Variants in RBFOX1 observed in about 807,000 individuals in gnomAD.
RBFOX1 encodes RNA binding fox-1 homolog 1.
Under a neutral mutation model 57.7 loss-of-function variants are expected in RBFOX1, and 8 were observed. That is an observed-to-expected ratio of 0.14 (90% CI 0.08 to 0.25). RBFOX1 has a LOEUF of 0.25. Ranked by LOEUF, RBFOX1 falls within the 10% of genes least tolerant of loss-of-function variation. The probability of loss-of-function intolerance (pLI) is 1.00; values close to 1 mark genes in which losing one functional copy is unlikely to be tolerated. For missense variants in RBFOX1, 611 were observed against 548.5 expected, an observed-to-expected ratio of 1.11 and a Z score of -1.14; for synonymous variants, 326 against 222.4, an observed-to-expected ratio of 1.47 and a Z score of -4.15.
chr16:6,666,741 G>A (rs1282735658), intron 3 of RBFOX1, among the ~76,000 whole-genome samples: 2 of 152,056 alleles, frequency 1.3e-5, no homozygotes, highest in Non-Finnish European at 1.5e-5. Flanking sequence ...GGTAAACGGT[G>A]ACTTACGAGA....
At chr16:6,848,576 A>G (rs1232986009) in intron 3 of RBFOX1, among the ~76,000 whole-genome samples, 1 of 152,106 alleles carries the variant, frequency 6.6e-6, no homozygotes, top group Non-Finnish European at 1.5e-5. Context: ...AAAAAAGGTG[A>G]TAGAACCAAA....
chr16:6,130,999 C>G (rs574944125), intron 1 of RBFOX1, among the ~76,000 whole-genome samples: 1 of 152,262 alleles, frequency 6.6e-6, no homozygotes, highest in East Asian at 1.9e-4. Context: ...GATGTATGCA[C>G]TGATGTGGAT....
At chr16:6,461,227 C>T (rs1192143134) in intron 2 of RBFOX1, among the ~76,000 whole-genome samples, 4 of 152,018 alleles carry the variant, frequency 2.6e-5, no homozygotes, top group Non-Finnish European at 5.9e-5. Flanking sequence ...GTAGTGCACC[C>T]ACACATCCTG....
intron 3 of RBFOX1, among the ~76,000 whole-genome samples, chr16:6,806,836 AT>A (rs1555488600): frequency 0.036 from 3,256 of 91,710 alleles, 75 homozygotes; most frequent in Middle Eastern, 0.071. Flanking sequence ...ATATATATAT[AT>A]TTTTTTTTTT....
intron 4 of RBFOX1, among the ~76,000 whole-genome samples, chr16:7,269,622 T>A (rs1408405942): frequency 6.6e-6 from 1 of 152,232 alleles, no homozygotes; most frequent in Non-Finnish European, 1.5e-5. Context: ...GATTCCATAA[T>A]GTTCTGTTGT....
At chr16:6,061,029 G>C (rs1200369579) in intron 1 of RBFOX1, among the ~76,000 whole-genome samples, 1 of 152,266 alleles carries the variant, frequency 6.6e-6, no homozygotes, top group East Asian at 1.9e-4. Context: ...GGTTGGTCCA[G>C]CCCTGCCCAC....
In RBFOX1 at chr16:5,843,625, C is replaced by G. The variant is rs75157283; in HGVS notation, c.319-23678C>G. The stretch of plus-strand genomic sequence containing the variant: ...TTCACTGCAGCACTATTCACAATAG[C>G]AAACACATTATTATTTTTAACACAT... On this transcript the variant is annotated intron_variant, in intron 3 of 19. Coordinates refer to the RBFOX1 transcript ENST00000641259. Among the ~76,000 whole-genome samples, 460 of 152,286 alleles carry G rather than the reference C, an allele frequency of 3.0e-3. 2 individuals carry two copies. Among genetic ancestry groups the G allele is most frequent in the African/African-American group, 0.011 (437 of 41,538 alleles).
chr16:5,381,685 C>G (rs1253188902), intron 1 of RBFOX1, among the ~76,000 whole-genome samples: 1 of 152,164 alleles, frequency 6.6e-6, no homozygotes, highest in Non-Finnish European at 1.5e-5. Flanking sequence ...GGCATGGTGC[C>G]CAAGGCATAG....
intron 5 of RBFOX1, among the ~76,000 whole-genome samples, chr16:7,577,372 G>C (rs898594306): frequency 2.0e-5 from 3 of 152,094 alleles, no homozygotes; most frequent in Non-Finnish European, 4.4e-5. Flanking sequence ...CTGACCAGTG[G>C]TGCTGGAGTC....
chr16:5,416,681 T>C (rs541805208), intron 1 of RBFOX1, among the ~76,000 whole-genome samples: 10 of 131,130 alleles, frequency 7.6e-5, no homozygotes, highest in African/African-American at 3.9e-4. Context: ...GTAATGTGTC[T>C]TTTTTTTTTT....
At chr16:5,347,547 T>A (rs916750720) in intron 1 of RBFOX1, among the ~76,000 whole-genome samples, 1 of 152,022 alleles carries the variant, frequency 6.6e-6, no homozygotes. Context: ...CACTATTCCA[T>A]CCACCTACCG....
In RBFOX1 at chr16:5,946,547, A is replaced by G. The variant is rs919312625; in HGVS notation, c.351+79212A>G. ...TACGCCCTTCCCCGTATCTCACTCT[A>G]TGCATATTTTTTTCCAACTGGGTGT... On this transcript the variant is annotated intron_variant, in intron 4 of 19. Coordinates refer to the RBFOX1 transcript ENST00000641259. The surrounding 1 kb of genome is among the most constrained non-coding windows in gnomAD (Gnocchi z 4.6). Among the ~76,000 whole-genome samples the G allele has an allele frequency of 7.5e-6, 1 of 133,714 alleles. No individual in the cohort carries two copies. The highest frequency in any genetic ancestry group is 2.5e-5 in the African/African-American group (1 of 40,632). 87.7% of individuals were successfully genotyped at this position (133,714 alleles called of 152,430 possible).
At chr16:6,756,355 T>C (rs1031719174) in intron 3 of RBFOX1, among the ~76,000 whole-genome samples, 1 of 152,046 alleles carries the variant, frequency 6.6e-6, no homozygotes, top group Non-Finnish European at 1.5e-5. Context: ...CCCAATACTA[T>C]AAAACTACTA....
At chr16:5,245,254 T>C (rs896285891) in intron 1 of RBFOX1, among the ~76,000 whole-genome samples, 2 of 152,150 alleles carry the variant, frequency 1.3e-5, no homozygotes, top group African/African-American at 4.8e-5. Flanking sequence ...TATCAGGTAC[T>C]GGAGGTGAAT....
chr16:5,700,212 C>T (rs1472546637), intron 3 of RBFOX1, among the ~76,000 whole-genome samples: 1 of 152,046 alleles, frequency 6.6e-6, no homozygotes, highest in African/African-American at 2.4e-5. Context: ...AAAAAGAATG[C>T]AAACTATTCG....
chr16:6,899,769 C>G (rs942039437), intron 3 of RBFOX1, among the ~76,000 whole-genome samples: 1 of 152,214 alleles, frequency 6.6e-6, no homozygotes. Flanking sequence ...GAATGAAGTA[C>G]ATCATACTTA....
At chr16:7,700,070 T>C (rs1261069259) in intron 14 of RBFOX1, among the ~76,000 whole-genome samples, 1 of 152,134 alleles carries the variant, frequency 6.6e-6, no homozygotes, top group Non-Finnish European at 1.5e-5. Flanking sequence ...CTTCTCAACC[T>C]GCTTGTTTTG....
chr16:6,976,768 T>C (rs2086982820), intron 3 of RBFOX1, among the ~76,000 whole-genome samples: 1 of 125,384 alleles, frequency 8.0e-6, no homozygotes, highest in African/African-American at 3.0e-5. Flanking sequence ...ATATATATCG[T>C]ATGACATATC....
chr16:7,486,943 A>G (rs887920642), intron 4 of RBFOX1, among the ~76,000 whole-genome samples: 1 of 152,152 alleles, frequency 6.6e-6, no homozygotes, highest in Non-Finnish European at 1.5e-5. Flanking sequence ...TCTGTCACCC[A>G]GTCTGGAGTA....
Sources: allele counts gnomAD v4.1 joint callset (sites outside exome capture counted in the v4.1 genomes callset), GRCh38; gene constraint gnomAD v4.1.1; non-coding constraint Gnocchi (gnomAD v3.1); transcripts MANE v1.5; gene names NCBI Gene and HGNC (gene_info 2026-07-23, HGNC 2026-07-21).